CCDC88C: variants seen among roughly 807,000 people sequenced by gnomAD.
The protein encoded by CCDC88C is coiled-coil and HOOK domain protein 88C, also known as protein Daple.
CCDC88C carries 131 observed loss-of-function variants against 198.8 expected under a neutral mutation model. The observed-to-expected ratio is 0.66, with a 90% CI of 0.57 to 0.76. CCDC88C has a LOEUF of 0.76. Among genes scored for constraint, CCDC88C ranks in the 30% least tolerant of loss-of-function variants. The pLI is 0.00. For missense variants in CCDC88C, 2,553 were observed against 2,631.6 expected (o/e 0.97, Z 0.65); for synonymous variants, 1,166 against 1,114.7 (o/e 1.05, Z -0.92).
chr14:91,384,300 TTTTTA>T, intron 3 of CCDC88C: 2 of 339,208 alleles, frequency 5.9e-6, no homozygotes, highest in South Asian at 2.4e-5. Context: ...GTATTTGAAA[TTTTTA>T]TTTTAGGCTG....
intron 25 of CCDC88C, 52 bp from the exon 26 acceptor site, chr14:91,283,569 G>T: frequency 6.5e-7 from 1 of 1,531,620 alleles, no homozygotes; most frequent in Non-Finnish European, 8.9e-7. Flanking sequence ...CTGTACCCAG[G>T]CTGGGAAACC....
At chr14:91,334,351 C>A (rs181400304) in intron 10 of CCDC88C, among the ~76,000 whole-genome samples, 2 of 152,328 alleles carry the variant, frequency 1.3e-5, no homozygotes, top group Admixed American at 6.5e-5. Context: ...CTCAAGCAAT[C>A]CTCCCACTTC....
intron 3 of CCDC88C, among the ~76,000 whole-genome samples, chr14:91,372,120 G>A (rs1306561464): frequency 6.6e-6 from 1 of 152,160 alleles, no homozygotes; most frequent in African/African-American, 2.4e-5. Context: ...AGAGCTCCTT[G>A]AGGAAGGGCA....
rs1567043784 is a variant in CCDC88C, at chr14:91,273,761, A to C, written c.5059-108T>G. 1.1e-6 allele frequency: 1 copy of C among 928,656 alleles called. No individual in the cohort carries two copies. The highest frequency in any genetic ancestry group is 1.5e-6 in the Non-Finnish European group (1 of 675,774). The allele number at this position is 928,656 out of a possible 1,614,324, so 57.5% of individuals were successfully genotyped here. The stretch of plus-strand genomic sequence containing the variant: ...GAGCAGCCCACGTGGCTGGGACCGC[A>C]GTTCCTGCCTGCCTTCTCCGAGGCA... On this transcript the variant is annotated intron_variant, in intron 29 of 29. Coordinates refer to ENST00000389857, the MANE Select transcript of CCDC88C (RefSeq NM_001080414.4). The surrounding 1 kb of genome is among the most constrained non-coding windows in gnomAD (Gnocchi z 5.6).
Position 91,352,615 on chromosome 14 carries a change from G to GT in CCDC88C, c.340+7026dup, listed in dbSNP as rs1449831379. ...TCCCTCCCATTCAAACGCCCAAAAC[G>GT]TTTTGCAAATATGAAAATTATATAT... On this transcript the variant is annotated intron_variant, in intron 4 of 29. Coordinates refer to ENST00000389857, the MANE Select transcript of CCDC88C (RefSeq NM_001080414.4). This position sits in a 1 kb window ranked among gnomAD's most constrained non-coding sequence, Gnocchi z 4.2. Among the ~76,000 whole-genome samples, 1 of 151,834 alleles carries GT rather than the reference G, an allele frequency of 6.6e-6. No homozygotes were observed. The highest frequency in any genetic ancestry group is 1.5e-5 in the Non-Finnish European group (1 of 67,990).
chr14:91,387,167 A>T (rs1249319465), intron 3 of CCDC88C, among the ~76,000 whole-genome samples: 1 of 152,216 alleles, frequency 6.6e-6, no homozygotes, highest in Non-Finnish European at 1.5e-5. Context: ...TGTTCTGGGA[A>T]AAGAAAATCA....
At chr14:91,330,296 G>C (rs1892764537) in intron 10 of CCDC88C, among the ~76,000 whole-genome samples, 1 of 152,228 alleles carries the variant, frequency 6.6e-6, no homozygotes, top group Non-Finnish European at 1.5e-5. Context: ...AGAGTCGGAA[G>C]AGAGAGTGGG....
intron 13 of CCDC88C, among the ~76,000 whole-genome samples, chr14:91,318,789 A>C (rs1892218648): frequency 6.6e-6 from 1 of 152,130 alleles, no homozygotes; most frequent in East Asian, 1.9e-4. Flanking sequence ...ATGGTGGCAC[A>C]TGCCTGTAAT....
intron 3 of CCDC88C, among the ~76,000 whole-genome samples, chr14:91,383,318 G>A (rs1345711977): frequency 3.3e-5 from 5 of 152,222 alleles, no homozygotes; most frequent in South Asian, 2.1e-4. Context: ...CCATGCTGCC[G>A]TGGGGGGCCC....
At chr14:91,413,857 G>A (rs761901796) in intron 2 of CCDC88C, among the ~76,000 whole-genome samples, 4 of 152,206 alleles carry the variant, frequency 2.6e-5, no homozygotes, top group Non-Finnish European at 4.4e-5. Context: ...ACTGCTCAAC[G>A]CGATTTCTTC....
At chr14:91,346,770 G>A (rs542337450) in intron 4 of CCDC88C, among the ~76,000 whole-genome samples, 4 of 152,092 alleles carry the variant, frequency 2.6e-5, no homozygotes, top group Non-Finnish European at 5.9e-5. Flanking sequence ...GTGGTGGCAC[G>A]CGTCTGTAAT....
At chr14:91,297,194 G>T in intron 22 of CCDC88C, 111 bp downstream of exon 22, 1 of 1,117,790 alleles carries the variant, frequency 8.9e-7, no homozygotes, top group Non-Finnish European at 1.3e-6. Context: ...ACACATTTCT[G>T]TCTTTGAGCA....
chr14:91,311,367 T>C (rs1891815462), intron 15 of CCDC88C, among the ~76,000 whole-genome samples: 1 of 152,238 alleles, frequency 6.6e-6, no homozygotes, highest in Non-Finnish European at 1.5e-5. Flanking sequence ...GACTGCTCAG[T>C]GTTCACCAAA....
At chr14:91,312,409 G>A (rs970747651) in intron 15 of CCDC88C, among the ~76,000 whole-genome samples, 10 of 152,072 alleles carry the variant, frequency 6.6e-5, no homozygotes, top group Non-Finnish European at 1.2e-4. Context: ...AGGGTCGGGC[G>A]CGGTGGCTCA....
At chr14:91,384,278 T>C (rs1884990364) in intron 3 of CCDC88C, 9 of 335,986 alleles carry the variant, frequency 2.7e-5, no homozygotes, top group South Asian at 4.8e-5. Flanking sequence ...TCTCTCTTTT[T>C]TTTTTTTTTT....
In CCDC88C at chr14:91,314,023, G is replaced by A. The variant is rs200148068; in HGVS notation, c.1793C>T (p.Thr598Met). Residue 598 changes from threonine (T) to methionine (M), a missense_variant, in exon 15 of 30, where the codon ACG (threonine) becomes ATG (methionine). Physicochemically the swap from Thr to Met is moderately conservative, Grantham distance 81. Transcript: ENST00000389857. ...VEKENKALHQ[T>M]VTEANGKLSQ... ...GAGCTTGCCATTGGCCTCCGTCACC[G>A]TCTGGTGGAGGGCTTTGTTCTCCTT... 2.5e-5 allele frequency: 41 copies of A among 1,613,842 alleles called. No homozygotes were observed. Among genetic ancestry groups the A allele is most frequent in the Admixed American group, 1.5e-4 (9 of 60,012 alleles).
At chr14:91,406,095 C>T (rs1263709196) in intron 3 of CCDC88C, among the ~76,000 whole-genome samples, 3 of 152,176 alleles carry the variant, frequency 2.0e-5, no homozygotes, top group African/African-American at 7.2e-5. Flanking sequence ...CTTTGTGTGG[C>T]CACTTCCCAT....
intron 4 of CCDC88C, among the ~76,000 whole-genome samples, chr14:91,343,977 T>G (rs1008407419): frequency 6.6e-5 from 10 of 151,994 alleles, no homozygotes; most frequent in Non-Finnish European, 8.8e-5. Context: ...CATACCACCA[T>G]GCCCAGCTAA....
chr14:91,290,262 A>G (rs993531898), intron 24 of CCDC88C, among the ~76,000 whole-genome samples: 1 of 152,198 alleles, frequency 6.6e-6, no homozygotes, highest in Non-Finnish European at 1.5e-5. Flanking sequence ...TCACAGCGAG[A>G]CTCCGTCTCA....
Sources: allele counts gnomAD v4.1 joint callset (sites outside exome capture counted in the v4.1 genomes callset), GRCh38; gene constraint gnomAD v4.1.1; non-coding constraint Gnocchi (gnomAD v3.1); transcripts MANE v1.5; gene names NCBI Gene and HGNC (gene_info 2026-07-23, HGNC 2026-07-21).